SPTLC2: variants seen among roughly 807,000 people sequenced by gnomAD.
The protein encoded by SPTLC2 is serine palmitoyltransferase 2.
A neutral mutation model predicts 62.0 loss-of-function variants in SPTLC2; 21 were observed. The observed-to-expected ratio is 0.34, with a 90% CI of 0.24 to 0.49. The LOEUF is 0.49. Among genes scored for constraint, SPTLC2 ranks in the 20% least tolerant of loss-of-function variants. SPTLC2 has a pLI of 0.99. For missense variants in SPTLC2, 511 were observed against 713.0 expected, an observed-to-expected ratio of 0.72 and a Z score of 3.23; for synonymous variants, 261 against 261.8, an observed-to-expected ratio of 1.00 and a Z score of 0.03.
At chr14:77,544,691 C>T (rs995205068) in intron 9 of SPTLC2, among the ~76,000 whole-genome samples, 3 of 152,212 alleles carry the variant, frequency 2.0e-5, no homozygotes, top group African/African-American at 7.2e-5. Context: ...AGACTCTCTC[C>T]TTTGACCAAA....
chr14:77,559,534 T>C (rs2079603672), intron 6 of SPTLC2, among the ~76,000 whole-genome samples: 1 of 152,130 alleles, frequency 6.6e-6, no homozygotes. Context: ...ACAGTAAGTG[T>C]GGCAACAAAA....
chr14:77,557,512 C>G (rs558891261), intron 6 of SPTLC2, among the ~76,000 whole-genome samples: 1 of 152,008 alleles, frequency 6.6e-6, no homozygotes, highest in South Asian at 2.1e-4. Flanking sequence ...GTGAGTCATT[C>G]GGAAATAAAT....
intron 10 of SPTLC2, among the ~76,000 whole-genome samples, chr14:77,519,483 G>A (rs375681900): frequency 1.8e-4 from 27 of 152,146 alleles, no homozygotes; most frequent in East Asian, 1.2e-3. Context: ...TTGGGAGGCC[G>A]AGGCGGGCAG....
intron 11 of SPTLC2, among the ~76,000 whole-genome samples, chr14:77,513,145 C>G (rs915291110): frequency 8.1e-5 from 12 of 148,750 alleles, no homozygotes; most frequent in African/African-American, 2.9e-4. Flanking sequence ...CTGCCTCAGC[C>G]TCTTGAGTAG....
intron 1 of SPTLC2, among the ~76,000 whole-genome samples, chr14:77,615,640 T>C (rs1595024595): frequency 6.6e-6 from 1 of 152,254 alleles, no homozygotes; most frequent in Non-Finnish European, 1.5e-5. Context: ...GTAAGGTTGA[T>C]AATAAGCATT....
rs1349296922 is a variant in SPTLC2, at chr14:77,616,419, C to G, written c.132+29G>C. The G allele has an allele frequency of 6.5e-6, 9 of 1,384,420 alleles. No individual in the cohort carries two copies. The South Asian group carries it at 9.0e-5, about 14-fold the overall frequency. 85.8% of individuals were successfully genotyped at this position (1,384,420 alleles called of 1,614,324 possible). On this transcript the variant is annotated intron_variant, in intron 1 of 11. Coordinates refer to ENST00000216484, the MANE Select transcript of SPTLC2 (RefSeq NM_004863.4). ...CCCCTCCGCCAGTCCACACCGCCAC[C>G]CCGGCCCCGCCGCGCGGGCCCCTCG...
At chr14:77,538,831 A>T (rs2079484472) in intron 9 of SPTLC2, among the ~76,000 whole-genome samples, 1 of 152,106 alleles carries the variant, frequency 6.6e-6, no homozygotes, top group Admixed American at 6.6e-5. Context: ...TCAGCCTCCC[A>T]AAGTGCTGGG....
chr14:77,597,489 G>A (rs532267116), intron 1 of SPTLC2, 109 bp from the exon 2 acceptor site: 7 of 1,067,136 alleles, frequency 6.6e-6, no homozygotes, highest in Non-Finnish European at 9.7e-6. Flanking sequence ...AATTTTCTAA[G>A]TTCCGCCGGG....
intron 4 of SPTLC2, among the ~76,000 whole-genome samples, chr14:77,574,360 T>C (rs2079701675): frequency 6.6e-6 from 1 of 152,168 alleles, no homozygotes. Context: ...TGGAAGATGA[T>C]ATAAAAATGA....
intron 2 of SPTLC2, among the ~76,000 whole-genome samples, chr14:77,581,536 A>C (rs1394240503): frequency 6.7e-6 from 1 of 148,756 alleles, no homozygotes; most frequent in Non-Finnish European, 1.5e-5. Context: ...TCAGCCTCCC[A>C]AGTAGCTGGG....
At chr14:77,571,154 C>T (rs962844119) in intron 4 of SPTLC2, among the ~76,000 whole-genome samples, 1 of 152,210 alleles carries the variant, frequency 6.6e-6, no homozygotes, top group Non-Finnish European at 1.5e-5. Context: ...GCAAATAAAT[C>T]TGTTGCTGTT....
At chr14:77,517,426 T>C (rs1291036184) in intron 11 of SPTLC2, among the ~76,000 whole-genome samples, 1 of 152,162 alleles carries the variant, frequency 6.6e-6, no homozygotes, top group African/African-American at 2.4e-5. Context: ...TGAGAATATC[T>C]TGAGATAATA....
chr14:77,557,353 T>C (rs2079590057), intron 6 of SPTLC2: 1 of 579,406 alleles, frequency 1.7e-6, no homozygotes, highest in African/African-American at 1.9e-5. Flanking sequence ...TTCAAAACCA[T>C]CGAAACTTGA....
intron 2 of SPTLC2, among the ~76,000 whole-genome samples, chr14:77,594,666 A>G (rs4497612): frequency 0.089 from 13,550 of 152,160 alleles, 811 homozygotes; most frequent in Admixed American, 0.18. Flanking sequence ...TTCAAAACAC[A>G]ATTTCTCTTC....
chr14:77,536,367 GT>G lies in SPTLC2; in HGVS notation c.1304-14787del, dbSNP rs892468208. 3.3e-3 allele frequency among the ~76,000 whole-genome samples: 482 copies of G among 147,818 alleles called. 4 individuals are homozygous for G. The highest frequency in any genetic ancestry group is 0.011 in the African/African-American group (439 of 40,344). On this transcript the variant is annotated intron_variant, in intron 9 of 11. Coordinates refer to ENST00000216484, the MANE Select transcript of SPTLC2 (RefSeq NM_004863.4). ...CTCACTGTAGGTCAGGTATTTTTTG[GT>G]TTTTTTTTTCTCTTTATTTTATTTT... is the stretch of plus-strand genomic sequence containing the variant.
chr14:77,558,309 G>A (rs2079596251), intron 6 of SPTLC2, among the ~76,000 whole-genome samples: 1 of 124,982 alleles, frequency 8.0e-6, no homozygotes, highest in South Asian at 2.9e-4. Context: ...GCCTCCCAAA[G>A]TGCTGGGATT....
At chr14:77,594,428 G>A (rs190999091) in intron 2 of SPTLC2, among the ~76,000 whole-genome samples, 69 of 152,186 alleles carry the variant, frequency 4.5e-4, no homozygotes, top group African/African-American at 1.6e-3. Context: ...ATCACACTTT[G>A]AGCACCAGCT....
intron 9 of SPTLC2, among the ~76,000 whole-genome samples, chr14:77,527,723 A>T (rs898328202): frequency 2.3e-5 from 3 of 127,740 alleles, no homozygotes; most frequent in Non-Finnish European, 3.3e-5. Context: ...AAATTTTCTG[A>T]ACGCTCAAGA....
intron 9 of SPTLC2, among the ~76,000 whole-genome samples, chr14:77,525,872 C>T (rs993617589): frequency 1.3e-5 from 2 of 149,890 alleles, no homozygotes; most frequent in Non-Finnish European, 1.5e-5. Flanking sequence ...CGAGATTATG[C>T]CATTGCACTC....
Sources: allele counts gnomAD v4.1 joint callset (sites outside exome capture counted in the v4.1 genomes callset), GRCh38; gene constraint gnomAD v4.1.1; transcripts MANE v1.5; gene names NCBI Gene and HGNC (gene_info 2026-07-23, HGNC 2026-07-21).